Variants in FBXO4 observed in about 807,000 individuals in gnomAD.
The protein encoded by FBXO4 is F-box only protein 4.
A neutral mutation model predicts 43.7 loss-of-function variants in FBXO4; 36 were observed. That is an observed-to-expected ratio of 0.82 (90% confidence interval 0.63 to 1.09). The LOEUF (loss-of-function observed/expected upper bound fraction) is 1.09, where lower values mean the gene tolerates loss of function less well. Among genes scored for constraint, FBXO4 ranks in the 50% least tolerant of loss-of-function variants. FBXO4 has a pLI of 0.00. For missense variants in FBXO4, 435 were observed against 474.1 expected (o/e 0.92, Z 0.77); for synonymous variants, 180 against 165.6 (o/e 1.09, Z -0.67).
intron 1 of FBXO4, 109 bp downstream of exon 1, chr5:41,925,607 T>TGGCTCC (rs1751462379): frequency 1.2e-6 from 1 of 800,404 alleles, no homozygotes; most frequent in Admixed American, 4.3e-5. Flanking sequence ...GGCCTGGGTC[T>TGGCTCC]GGCTCCGTCC....
chr5:42,015,725 A>G, the FBXO4 span, among the ~76,000 whole-genome samples: 1 of 152,128 alleles, frequency 6.6e-6, no homozygotes, highest in East Asian at 1.9e-4. Context: ...GATTGAAAAA[A>G]AAAAAGTATC....
intron 5 of FBXO4, among the ~76,000 whole-genome samples, chr5:41,935,922 G>A (rs544388693): frequency 6.6e-6 from 1 of 152,370 alleles, no homozygotes; most frequent in South Asian, 2.1e-4. Flanking sequence ...GAACAAGATA[G>A]GCAGCAGCAT....
the FBXO4 span, among the ~76,000 whole-genome samples, chr5:42,029,741 C>G: frequency 2.6e-5 from 4 of 151,992 alleles, no homozygotes; most frequent in Non-Finnish European, 5.9e-5. Context: ...TATTAAATGA[C>G]TCTGATACAT....
the FBXO4 span, chr5:41,952,297 T>C: frequency 6.6e-6 from 1 of 152,226 alleles, no homozygotes; most frequent in Non-Finnish European, 1.5e-5. Context: ...AAATTTAGTA[T>C]ATTTAATAAA....
At chr5:41,984,991 A>C in the FBXO4 span, among the ~76,000 whole-genome samples, 2 of 152,280 alleles carry the variant, frequency 1.3e-5, no homozygotes, top group Admixed American at 1.3e-4. Context: ...GAGAACTTCT[A>C]TCTACCCTAC....
At chr5:41,998,172 C>T in the FBXO4 span, among the ~76,000 whole-genome samples, 6 of 152,202 alleles carry the variant, frequency 3.9e-5, no homozygotes, top group South Asian at 2.1e-4. Flanking sequence ...TTTCCTTTGA[C>T]GATTGAGTGC....
chr5:41,933,855 A>T, intron 3 of FBXO4, 91 bp from the exon 4 acceptor site: 1 of 991,856 alleles, frequency 1.0e-6, no homozygotes. Context: ...TTTTTTCTTT[A>T]CTCTTTTTGC....
the FBXO4 span, among the ~76,000 whole-genome samples, chr5:41,972,028 A>G: frequency 6.6e-6 from 1 of 152,132 alleles, no homozygotes; most frequent in East Asian, 1.9e-4. Flanking sequence ...GAGAACATAT[A>G]CAAGACAAGG....
At chr5:41,948,034 T>C in the FBXO4 span, among the ~76,000 whole-genome samples, 2 of 152,340 alleles carry the variant, frequency 1.3e-5, no homozygotes, top group African/African-American at 4.8e-5. Flanking sequence ...TCTCTAGCTA[T>C]TAAGATTTTA....
the FBXO4 span, among the ~76,000 whole-genome samples, chr5:42,003,786 G>T: frequency 6.6e-6 from 1 of 150,924 alleles, no homozygotes; most frequent in Non-Finnish European, 1.5e-5. Flanking sequence ...TTCTGTCCTT[G>T]CTAGTTCAAC....
At chr5:41,955,921 T>C in the FBXO4 span, among the ~76,000 whole-genome samples, 1 of 152,170 alleles carries the variant, frequency 6.6e-6, no homozygotes, top group East Asian at 1.9e-4. Context: ...CTAGACTCAA[T>C]ACTGCTCTGC....
the FBXO4 span, among the ~76,000 whole-genome samples, chr5:41,971,953 G>A: frequency 2.6e-5 from 4 of 151,924 alleles, no homozygotes; most frequent in Non-Finnish European, 5.9e-5. Flanking sequence ...AGTGATAAGA[G>A]CCATTTATGA....
the FBXO4 span, among the ~76,000 whole-genome samples, chr5:42,032,535 T>C: frequency 1.3e-5 from 2 of 152,168 alleles, no homozygotes; most frequent in Non-Finnish European, 2.9e-5. Context: ...TGGGAACTAC[T>C]GCCAGACTAC....
At chr5:42,035,279 T>A in the FBXO4 span, among the ~76,000 whole-genome samples, 2 of 152,108 alleles carry the variant, frequency 1.3e-5, no homozygotes, top group Admixed American at 1.3e-4. Context: ...CAGAGGCAAT[T>A]TGACTTTTTC....
the FBXO4 span, among the ~76,000 whole-genome samples, chr5:41,966,690 A>T: frequency 1.3e-5 from 2 of 152,098 alleles, no homozygotes; most frequent in South Asian, 2.1e-4. Context: ...CTTTCTACTC[A>T]GTTACTACCA....
At chr5:42,014,805 C>A in the FBXO4 span, among the ~76,000 whole-genome samples, 3,898 of 152,190 alleles carry the variant, frequency 0.026, 181 homozygotes, top group African/African-American at 0.087. Flanking sequence ...ACATCCTCCT[C>A]TAAGCTAGAT....
the FBXO4 span, among the ~76,000 whole-genome samples, chr5:42,029,771 AT>A: frequency 6.6e-6 from 1 of 151,718 alleles, no homozygotes; most frequent in Non-Finnish European, 1.5e-5. Context: ...TGCCAATTGC[AT>A]TTTTTTCCAC....
the FBXO4 span, among the ~76,000 whole-genome samples, chr5:41,999,945 T>C: frequency 8.9e-4 from 136 of 152,200 alleles, no homozygotes; most frequent in African/African-American, 3.2e-3. Context: ...GCACTCACTA[T>C]TAACCATCAT....
At chr5:42,004,991 G>A in the FBXO4 span, among the ~76,000 whole-genome samples, 2 of 152,122 alleles carry the variant, frequency 1.3e-5, no homozygotes, top group East Asian at 3.8e-4. Context: ...TTTCAACACT[G>A]GTTAGCAAAT....
Sources: gnomAD v4.1 joint callset for allele counts (sites outside exome capture counted in the v4.1 genomes callset) on GRCh38, gnomAD v4.1.1 for gene constraint, MANE v1.5 for transcripts, NCBI Gene and HGNC (gene_info 2026-07-23, HGNC 2026-07-21) for gene names.